Variants in TAB2 observed in about 807,000 individuals in gnomAD.
The protein encoded by TAB2 is TGF-beta-activated kinase 1 and MAP3K7-binding protein 2.
A neutral mutation model predicts 65.0 loss-of-function variants in TAB2; 3 were observed. The observed-to-expected ratio is 0.05, with a 90% CI of 0.02 to 0.12. The LOEUF (loss-of-function observed/expected upper bound fraction) is 0.12. TAB2 is among the 10% of genes least tolerant of loss of function. TAB2 has a pLI of 1.00. For missense variants in TAB2, 623 were observed against 840.3 expected (o/e 0.74, Z 3.20); for synonymous variants, 298 against 285.1 (o/e 1.05, Z -0.46).
intron 1 of TAB2, among the ~76,000 whole-genome samples, chr6:149,225,609 A>T (rs540483791): frequency 6.6e-6 from 1 of 152,244 alleles, no homozygotes; most frequent in South Asian, 2.1e-4. Context: ...CCTCTTGTGG[A>T]TCAATCATGG....
chr6:149,276,589 G>T (rs1466180940), intron 1 of TAB2, among the ~76,000 whole-genome samples: 1 of 152,068 alleles, frequency 6.6e-6, no homozygotes, highest in Non-Finnish European at 1.5e-5. Context: ...CACTTGAAAA[G>T]CTGTCCAACC....
At chr6:149,409,220 T>A (rs991690080) in intron 6 of TAB2, among the ~76,000 whole-genome samples, 1 of 152,224 alleles carries the variant, frequency 6.6e-6, no homozygotes, top group African/African-American at 2.4e-5. Context: ...GAGACTTATG[T>A]ACACTGACAG....
rs983962033 is a variant in TAB2, at chr6:149,335,376, C to G, written c.-90+17361C>G. On this transcript the variant is annotated intron_variant, in intron 1 of 6. Coordinates refer to ENST00000637181, the MANE Select transcript of TAB2 (RefSeq NM_001292034.3). ...ATAACATATATATAATATTTACATA[C>G]ATATATTTGAGACAGGGTATTACTC... Among the ~76,000 whole-genome samples, 25 of 151,070 alleles carry G rather than the reference C, an allele frequency of 1.7e-4. 1 individual carries two copies. The highest frequency in any genetic ancestry group is 6.1e-4 in the African/African-American group (25 of 41,082).
intron 1 of TAB2, among the ~76,000 whole-genome samples, chr6:149,298,128 T>A (rs952079442): frequency 3.3e-5 from 5 of 152,110 alleles, no homozygotes; most frequent in African/African-American, 9.7e-5. Flanking sequence ...GAAAAAAAAT[T>A]AAGCAGTCTT....
intron 1 of TAB2, among the ~76,000 whole-genome samples, chr6:149,348,983 A>T (rs906200191): frequency 6.6e-6 from 1 of 151,958 alleles, no homozygotes; most frequent in Non-Finnish European, 1.5e-5. Context: ...ATTTAAAAAA[A>T]AAATCTTAAA....
At chr6:149,295,374 C>T (rs936397438) in intron 1 of TAB2, among the ~76,000 whole-genome samples, 1 of 152,052 alleles carries the variant, frequency 6.6e-6, no homozygotes, top group Admixed American at 6.5e-5. Flanking sequence ...GTTTAATTTA[C>T]CCGGTTTGAG....
At chr6:149,306,838 G>A (rs933639581) in intron 1 of TAB2, among the ~76,000 whole-genome samples, 2 of 152,160 alleles carry the variant, frequency 1.3e-5, no homozygotes, top group East Asian at 1.9e-4. Context: ...TGGGGAGAGG[G>A]AAACTGCATG....
At chr6:149,223,427 AC>A (rs1465768810) in intron 1 of TAB2, among the ~76,000 whole-genome samples, 3 of 151,868 alleles carry the variant, frequency 2.0e-5, no homozygotes. Flanking sequence ...GATTCTAAGA[AC>A]CCCTGTGATT....
intron 2 of TAB2, 74 bp downstream of exon 2, chr6:149,370,173 T>C: frequency 8.1e-7 from 1 of 1,239,576 alleles, no homozygotes; most frequent in Non-Finnish European, 1.2e-6. Flanking sequence ...AAAAACTCTT[T>C]TAGGTTATCT....
At chr6:149,280,617 C>T (rs1778555951) in intron 1 of TAB2, among the ~76,000 whole-genome samples, 1 of 152,166 alleles carries the variant, frequency 6.6e-6, no homozygotes, top group Non-Finnish European at 1.5e-5. Context: ...CCATACTCAG[C>T]TAAAATACCT....
intron 1 of TAB2, among the ~76,000 whole-genome samples, chr6:149,225,960 C>T (rs1484584088): frequency 1.3e-5 from 2 of 151,838 alleles, no homozygotes; most frequent in African/African-American, 4.8e-5. Flanking sequence ...GACATGAGGC[C>T]CAGGAGGGTC....
At position 149,342,046 on chromosome 6, in the gene TAB2, TAA is replaced by T. The variant is rs5880834; in HGVS notation, c.-90+24043_-90+24044del. ...TGTTTTATATGGCCCTAACAAAAATTAAAAAAAAAAAAATCATTGAATCTATT... is the reference window on the plus strand; with the variant it reads ...TGTTTTATATGGCCCTAACAAAAATTAAAAAAAAAAATCATTGAATCTATT... On this transcript the variant is annotated intron_variant, in intron 1 of 6. Coordinates refer to ENST00000637181, the MANE Select transcript of TAB2 (RefSeq NM_001292034.3). Among the ~76,000 whole-genome samples, 597 of 148,560 alleles carry T rather than the reference TAA, an allele frequency of 4.0e-3. 1 individual carries two copies. The highest frequency in any genetic ancestry group is 0.038 in the Middle Eastern group (11 of 292).
At position 149,317,772 on chromosome 6, in the gene TAB2, C is replaced by T. The variant is rs1338024466; in HGVS notation, c.-333C>T. 1.2e-5 allele frequency: 2 copies of T among 165,114 alleles called. No individual in the cohort carries two copies. Among genetic ancestry groups the T allele is most frequent in the Non-Finnish European group, 2.6e-5 (2 of 76,848 alleles). The allele number at this position is 165,114 out of a possible 1,614,324, so 10.2% of individuals were successfully genotyped here. A position where few individuals can be genotyped will look rare whatever the true frequency, so the allele number is the denominator to read the frequency against. On this transcript the variant is annotated 5_prime_UTR_variant, in exon 1 of 7. Coordinates refer to ENST00000637181, the MANE Select transcript of TAB2 (RefSeq NM_001292034.3). This position sits in a 1 kb window ranked among gnomAD's most constrained non-coding sequence, Gnocchi z 4.7. ...ACCCAGCCCGACCCCCTCCCCTCCC[C>T]CTCAGCCAGGAGCGGTGGCGGCGGC...
intron 1 of TAB2, among the ~76,000 whole-genome samples, chr6:149,239,075 C>T (rs949548606): frequency 5.9e-5 from 9 of 152,182 alleles, no homozygotes; most frequent in African/African-American, 1.7e-4. Flanking sequence ...ATGCCAGTGC[C>T]TCACCAACTG....
At position 149,302,769 on chromosome 6, in the gene TAB2, C is replaced by T. The variant is rs142727595; in HGVS notation, c.-120-75249C>T. Among the ~76,000 whole-genome samples the T allele has an allele frequency of 5.9e-5, 9 of 152,346 alleles. No individual in the cohort carries two copies. In the East Asian group the frequency reaches 1.7e-3, roughly 29 times the overall value. ...CTATCTATCTATCTCCCAGCCTCTCCCCACTTTCTTTCACAGATTCATATC... is the reference window on the plus strand; with the variant it reads ...CTATCTATCTATCTCCCAGCCTCTCTCCACTTTCTTTCACAGATTCATATC... On this transcript the variant is annotated intron_variant, in intron 1 of 1. Coordinates refer to the TAB2 transcript ENST00000606202.
chr6:149,372,236 T>C (rs1781253011), intron 2 of TAB2: 1 of 152,154 alleles, frequency 6.6e-6, no homozygotes, highest in Non-Finnish European at 1.5e-5. Flanking sequence ...CTCTGGTATG[T>C]GTTAAGAAAA....
At chr6:149,319,108 C>T (rs535198287) in intron 1 of TAB2, among the ~76,000 whole-genome samples, 1 of 152,222 alleles carries the variant, frequency 6.6e-6, no homozygotes, top group African/African-American at 2.4e-5. Context: ...TGTAAAGTGT[C>T]TAATTTTGGG....
intron 1 of TAB2, among the ~76,000 whole-genome samples, chr6:149,269,104 G>T (rs567743708): frequency 6.6e-6 from 1 of 152,012 alleles, no homozygotes; most frequent in Non-Finnish European, 1.5e-5. Context: ...GCATTCTCTG[G>T]GACTACAAAG....
chr6:149,235,314 C>T (rs1053541542), intron 1 of TAB2, among the ~76,000 whole-genome samples: 15 of 152,096 alleles, frequency 9.9e-5, no homozygotes, highest in African/African-American at 2.7e-4. Context: ...TTTGAAGGCT[C>T]CATAAGCCAC....
Sources: gnomAD v4.1 joint callset for allele counts (sites outside exome capture counted in the v4.1 genomes callset) on GRCh38, gnomAD v4.1.1 for gene constraint, Gnocchi (gnomAD v3.1) non-coding constraint, MANE v1.5 for transcripts, NCBI Gene and HGNC (gene_info 2026-07-23, HGNC 2026-07-21) for gene names.